C20orf144: variants seen among roughly 807,000 people sequenced by gnomAD.
C20orf144 encodes the protein uncharacterized protein C20orf144.
In C20orf144, 8 loss-of-function variants were observed where a neutral mutation model predicts 3.8. That is an observed-to-expected ratio of 2.11 (90% CI 1.24 to 3.80). The LOEUF (loss-of-function observed/expected upper bound fraction) is 3.80. Among genes scored for constraint, C20orf144 ranks in the 30% most tolerant of loss-of-function variants. The pLI is 0.00. For missense variants in C20orf144, 289 were observed against 224.5 expected (o/e 1.29, Z -1.83); for synonymous variants, 126 against 104.1 (o/e 1.21, Z -1.28).
At position 33,663,558 on chromosome 20, in the gene C20orf144, G is replaced by A. The variant is rs2122483598; in HGVS notation, c.153G>A (p.Leu51=). The A allele has an allele frequency of 6.2e-7, 1 of 1,610,972 alleles. No individual in the cohort carries two copies. Among genetic ancestry groups the A allele is most frequent in the African/African-American group, 1.3e-5 (1 of 74,876 alleles). ...PATRIVLILP[L]DKRQPLANAG... is the part of the protein sequence containing the mutation. ...CCAGGATCGTGCTGATTCTCCCCCTGGACAAGCGGCAGCCGCTGGCCAACG... is the reference window on the plus strand; with the variant it reads ...CCAGGATCGTGCTGATTCTCCCCCTAGACAAGCGGCAGCCGCTGGCCAACG... Residue 51 remains leucine (L), a synonymous_variant, in exon 2 of 2, where the codon CTG becomes CTA. Coordinates refer to ENST00000375222, the MANE Select transcript of C20orf144 (RefSeq NM_080825.4).
At position 33,663,858 on chromosome 20, in the gene C20orf144, G is replaced by A. The variant is rs1217038751; in HGVS notation, c.453G>A (p.Pro151=). ...GCAAACGGTGCCGCTGCCCTCGCCC[G>A]CAGCTTTAAACGCTTGGCCCGGACC... ...QPRKRCRCPR[P]QL is the part of the protein sequence containing the mutation. Residue 151 remains proline, a synonymous_variant, in exon 2 of 2, where the codon CCG becomes CCA. Coordinates refer to ENST00000375222, the MANE Select transcript of C20orf144 (RefSeq NM_080825.4). 1 of 1,391,792 alleles carries A rather than the reference G, an allele frequency of 7.2e-7. No individual in the cohort carries two copies. Among genetic ancestry groups the A allele is most frequent in the South Asian group, 1.6e-5 (1 of 64,344 alleles). 86.2% of individuals were successfully genotyped at this position (1,391,792 alleles called of 1,614,324 possible). A position where few individuals can be genotyped will look rare whatever the true frequency, so the allele number is the denominator to read the frequency against.
At position 33,663,640 on chromosome 20, in the gene C20orf144, A is replaced by C. The variant is rs777476928; in HGVS notation, c.235A>C (p.Arg79=). Residue 79 remains arginine (R), a synonymous_variant, in exon 2 of 2, where the codon AGA becomes CGA. Transcript: ENST00000375222. Reference sequence around the variant, plus strand: ...TGGGCTGGGCTCCCCGGCGGCACCCAGATTGCGCGGAGCGGGCGAAGGTAG... The same window carrying C: ...TGGGCTGGGCTCCCCGGCGGCACCCCGATTGCGCGGAGCGGGCGAAGGTAG... The part of the protein sequence containing the change: ...GAGLGSPAAP[R]LRGAGEGSER... 1.9e-6 allele frequency: 3 copies of C among 1,606,332 alleles called. No homozygotes were observed. In the South Asian group the frequency reaches 3.3e-5, roughly 18 times the overall value.
chr20:33,663,246 G>C (rs2017538305), intron 1 of C20orf144: 3 of 510,532 alleles, frequency 5.9e-6, no homozygotes, highest in East Asian at 3.7e-5. Flanking sequence ...GCCTGGAAGG[G>C]ATCTCATAAA....
At position 33,663,812 on chromosome 20, in the gene C20orf144, G is replaced by A. The variant is rs1435837802; in HGVS notation, c.407G>A (p.Gly136Asp). 4 of 1,415,530 alleles carry A rather than the reference G, an allele frequency of 2.8e-6. No individual in the cohort carries two copies. The highest frequency in any genetic ancestry group is 1.5e-5 in the South Asian group (1 of 66,366). 87.7% of individuals were successfully genotyped at this position (1,415,530 alleles called of 1,614,324 possible). A position where few individuals can be genotyped will look rare whatever the true frequency, so the allele number is the denominator to read the frequency against. The change falls in exon 2 of 2, where the codon GGC becomes GAC. Residue 136 changes from glycine to aspartate, a missense_variant. Transcript: ENST00000375222. Reference protein sequence around the residue: ...RSPGKAPREAGPAEEQPRKRC... With the variant: ...RSPGKAPREADPAEEQPRKRC... ...CCGGGGAAGGCTCCCCGCGAAGCCG[G>A]CCCCGCCGAGGAGCAGCCGCGCAAA...
At position 33,663,761 on chromosome 20, in the gene C20orf144, C is replaced by T. The variant is rs918334022; in HGVS notation, c.356C>T (p.Pro119Leu). 4 of 1,454,866 alleles carry T rather than the reference C, an allele frequency of 2.7e-6. No homozygotes were observed. The highest frequency in any genetic ancestry group is 2.6e-5 in the Admixed American group (1 of 38,212). 90.1% of individuals were successfully genotyped at this position (1,454,866 alleles called of 1,614,324 possible). A position where few individuals can be genotyped will look rare whatever the true frequency, so the allele number is the denominator to read the frequency against. The change falls in exon 2 of 2, where the codon CCG becomes CTG. Residue 119 changes from proline to leucine, a missense_variant. By Grantham distance (98) the Pro-to-Leu change is moderately conservative. Transcript: ENST00000375222. ...GGGGCCAGGGCAGCTCTGAGCTGGC[C>T]GCGGCTGCTCTCGCGCTTCCGGTCC... is the stretch of plus-strand genomic sequence containing the variant. The part of the protein sequence containing the change: ...EGGARAALSW[P>L]RLLSRFRSPG...
Position 33,663,553 on chromosome 20 carries a change from C to T in C20orf144, c.148C>T (p.Pro50Ser), listed in dbSNP as rs2017549719. The change falls in exon 2 of 2, where the codon CCC becomes TCC. Residue 50 changes from proline to serine, a missense_variant. Transcript: ENST00000375222. ...KPATRIVLIL[P>S]LDKRQPLANA... is the part of the protein sequence containing the mutation. ...CCAGACCAGGATCGTGCTGATTCTC[C>T]CCCTGGACAAGCGGCAGCCGCTGGC... The T allele has an allele frequency of 1.2e-6, 2 of 1,611,112 alleles. No homozygotes were observed. The highest frequency in any genetic ancestry group is 1.7e-6 in the Non-Finnish European group (2 of 1,179,640).
rs1246726167 is a variant in C20orf144 at position 33,663,882 on chromosome 20, C to T, written c.*15C>T. ...CGCAGCTTTAAACGCTTGGCCCGGA[C>T]CCCGCCCAATAAAGAGTGCGTGGCA... On this transcript the variant is annotated 3_prime_UTR_variant, in exon 2 of 2. Coordinates refer to ENST00000375222, the MANE Select transcript of C20orf144 (RefSeq NM_080825.4). 1 of 1,382,902 alleles carries T rather than the reference C, an allele frequency of 7.2e-7. No homozygotes were observed. Among genetic ancestry groups the T allele is most frequent in the Non-Finnish European group, 9.3e-7 (1 of 1,076,766 alleles). The allele number at this position is 1,382,902 out of a possible 1,614,324, so 85.7% of individuals were successfully genotyped here.
chr20:33,663,397 ACGAGAGGATGACAGGACC>A, intron 1 of C20orf144, 117 bp from the exon 2 acceptor site: 1 of 949,658 alleles, frequency 1.1e-6, no homozygotes. Context: ...AGCCCTGTGC[ACGAGAGGATGACAGGACC>A]CGGGTGGACG....
rs760107824 is a variant in C20orf144 at position 33,663,518 on chromosome 20, T to C, written c.127-14T>C. 1.2e-5 allele frequency: 19 copies of C among 1,605,500 alleles called. No individual in the cohort carries two copies. The East Asian group carries it at 3.8e-4, about 32-fold the overall frequency. ...AGCGCGCTCTCCCGCCTCACGCCCCTGTTCCACCCCCAGACCAGGATCGTG... is the reference window on the plus strand; with the variant it reads ...AGCGCGCTCTCCCGCCTCACGCCCCCGTTCCACCCCCAGACCAGGATCGTG... On this transcript the variant is annotated splice_polypyrimidine_tract_variant and intron_variant, in intron 1 of 1. Coordinates refer to ENST00000375222, the MANE Select transcript of C20orf144 (RefSeq NM_080825.4).
rs999688083 is a variant in C20orf144, at chr20:33,663,713, A to C, written c.308A>C (p.Glu103Ala). 6.5e-7 allele frequency: 1 copy of C among 1,529,950 alleles called. No homozygotes were observed. Among genetic ancestry groups the C allele is most frequent in the Non-Finnish European group, 8.7e-7 (1 of 1,153,820 alleles). 94.8% of individuals were successfully genotyped at this position (1,529,950 alleles called of 1,614,324 possible). Residue 103 changes from glutamate to alanine, a missense_variant, in exon 2 of 2, where the codon GAG becomes GCG. By Grantham distance (107) the Glu-to-Ala change is moderately radical (BLOSUM62 -1). Coordinates refer to ENST00000375222, the MANE Select transcript of C20orf144 (RefSeq NM_080825.4). ...GTACTGCTGCTGCTGCGGCGGCAAG[A>C]GGCGCGGCGGCCGGAAGAGGGCGGG... ...MPVLLLLRRQ[E>A]ARRPEEGGAR...
intron 1 of C20orf144, 159 bp from the exon 2 acceptor site, chr20:33,663,373 C>T (rs933729857): frequency 4.0e-6 from 3 of 744,224 alleles, no homozygotes; most frequent in Non-Finnish European, 6.2e-6. Flanking sequence ...CTGAATTGGA[C>T]AGGGGTCCCC....
chr20:33,663,705 G>T lies in C20orf144; in HGVS notation c.300G>T (p.Arg100=). The T allele has an allele frequency of 6.5e-7, 1 of 1,538,310 alleles. No individual in the cohort carries two copies. The highest frequency in any genetic ancestry group is 8.6e-7 in the Non-Finnish European group (1 of 1,158,206). Residue 100 remains arginine, a synonymous_variant, in exon 2 of 2, where the codon CGG becomes CGT. Coordinates refer to ENST00000375222, the MANE Select transcript of C20orf144 (RefSeq NM_080825.4). ...EPRMPVLLLL[R]RQEARRPEEG... is the part of the protein sequence containing the mutation. The stretch of plus-strand genomic sequence containing the variant: ...GGATGCCGGTACTGCTGCTGCTGCG[G>T]CGGCAAGAGGCGCGGCGGCCGGAAG...
At chr20:33,662,661 C>T in intron 1 of C20orf144, 190 bp downstream of exon 1, 1 of 656,826 alleles carries the variant, frequency 1.5e-6, no homozygotes, top group Non-Finnish European at 2.5e-6. Context: ...GATGGGGGTC[C>T]TTTCAAGGTG....
At chr20:33,663,484 C>G in intron 1 of C20orf144, 48 bp from the exon 2 acceptor site, 1 of 1,559,732 alleles carries the variant, frequency 6.4e-7, no homozygotes, top group Non-Finnish European at 8.6e-7. Context: ...GGGTCGTGGG[C>G]TCGGCCCTAG....
rs994016919 is a variant in C20orf144, at chr20:33,663,472, C to G, written c.127-60C>G. 9 of 1,538,496 alleles carry G rather than the reference C, an allele frequency of 5.8e-6. No homozygotes were observed. In the African/African-American group the frequency reaches 1.3e-4, roughly 22 times the overall value. On this transcript the variant is annotated intron_variant, in intron 1 of 1. Transcript: ENST00000375222. ...GTCCCAGGAGAAGCGCGGAGCGGCC[C>G]CGGGTCGTGGGCTCGGCCCTAGCGC...
intron 1 of C20orf144, among the ~76,000 whole-genome samples, chr20:33,663,195 ACCAGGC>A (rs2017535880): frequency 6.6e-6 from 1 of 152,128 alleles, no homozygotes; most frequent in African/African-American, 2.4e-5. Flanking sequence ...GAAGCCCTGG[ACCAGGC>A]GGGGGTGGGA....
In C20orf144 at chr20:33,662,372, G is replaced by C; in HGVS notation, c.27G>C (p.Arg9Ser). 1 of 1,551,394 alleles carries C rather than the reference G, an allele frequency of 6.4e-7. No homozygotes were observed. The highest frequency in any genetic ancestry group is 8.7e-7 in the Non-Finnish European group (1 of 1,147,012). Residue 9 changes from arginine to serine, a missense_variant, in exon 1 of 2, where the codon AGG (arginine) becomes AGC (serine). Physicochemically the swap from Arg to Ser is moderately radical, Grantham distance 110. Coordinates refer to ENST00000375222, the MANE Select transcript of C20orf144 (RefSeq NM_080825.4). Reference sequence around the variant, plus strand: ...TGGGAAACTATAGTTCCCACAAAAGGACCAAAGCACCCAAGCAGGCCCGCA... The same window carrying C: ...TGGGAAACTATAGTTCCCACAAAAGCACCAAAGCACCCAAGCAGGCCCGCA... MGNYSSHKRTKAPKQARKE... is the reference protein window; with the variant it reads MGNYSSHKSTKAPKQARKE...
Position 33,663,548 on chromosome 20 carries a change from T to G in C20orf144, c.143T>G (p.Ile48Ser). The G allele has an allele frequency of 6.2e-7, 1 of 1,610,664 alleles. No individual in the cohort carries two copies. The highest frequency in any genetic ancestry group is 8.5e-7 in the Non-Finnish European group (1 of 1,179,522). The change falls in exon 2 of 2, where the codon ATT (isoleucine) becomes AGT (serine). Residue 48 changes from isoleucine (I) to serine (S), a missense_variant. Ile to Ser is a moderately radical substitution (Grantham distance 142). Coordinates refer to ENST00000375222, the MANE Select transcript of C20orf144 (RefSeq NM_080825.4). The part of the protein sequence containing the change: ...RKKPATRIVL[I>S]LPLDKRQPLA... ...CACCCCCAGACCAGGATCGTGCTGA[T>G]TCTCCCCCTGGACAAGCGGCAGCCG... is the stretch of plus-strand genomic sequence containing the variant.
At position 33,663,623 on chromosome 20, in the gene C20orf144, G is replaced by C. The variant is rs368305380; in HGVS notation, c.218G>C (p.Gly73Ala). Reference protein sequence around the residue: ...RIDYASGAGLGSPAAPRLRGA... With the variant: ...RIDYASGAGLASPAAPRLRGA... Reference sequence around the variant, plus strand: ...GACTACGCGTCCGGCGCTGGGCTGGGCTCCCCGGCGGCACCCAGATTGCGC... The same window carrying C: ...GACTACGCGTCCGGCGCTGGGCTGGCCTCCCCGGCGGCACCCAGATTGCGC... Residue 73 changes from glycine (G) to alanine (A), a missense_variant, in exon 2 of 2, where the codon GGC becomes GCC. Physicochemically the swap from Gly to Ala is moderately conservative, Grantham distance 60. Transcript: ENST00000375222. The C allele has an allele frequency of 1.2e-5, 20 of 1,608,998 alleles. No individual in the cohort carries two copies. Among genetic ancestry groups the C allele is most frequent in the East Asian group, 6.7e-5 (3 of 44,822 alleles).
Sources: allele counts gnomAD v4.1 joint callset (sites outside exome capture counted in the v4.1 genomes callset), GRCh38; gene constraint gnomAD v4.1.1; transcripts MANE v1.5; gene names NCBI Gene and HGNC (gene_info 2026-07-23, HGNC 2026-07-21).